Variants in DISP1 observed in about 807,000 individuals in gnomAD.
DISP1 encodes protein dispatched homolog 1.
DISP1 carries 30 observed loss-of-function variants against 37.3 expected under a neutral mutation model. The ratio of observed to expected loss-of-function variants is 0.80; its 90% CI spans 0.60 to 1.09. The LOEUF (loss-of-function observed/expected upper bound fraction) is 1.09, where lower values mean the gene tolerates loss of function less well. DISP1 is among the 50% of genes least tolerant of loss of function. The pLI is 0.00. For synonymous variants in DISP1, 634 were observed against 690.2 expected (o/e 0.92, Z 1.28); for missense variants, 1,598 against 1,879.5 (o/e 0.85, Z 2.77).
rs1452239200 is a variant in DISP1 at position 223,002,527 on chromosome 1, A to T, written c.1130A>T (p.His377Leu). The T allele has an allele frequency of 6.2e-7, 1 of 1,614,094 alleles. No individual in the cohort carries two copies. The highest frequency in any genetic ancestry group is 8.5e-7 in the Non-Finnish European group (1 of 1,180,040). ...CQKIVERDVS[H>L]TLKLLRTCAK... ...AAAATAGTTGAGCGAGACGTTTCTC[A>T]TACCTTGAAGCTGCTTCGGACTTGT... Residue 377 changes from histidine to leucine, a missense_variant, in exon 9 of 9, where the codon CAT becomes CTT. Coordinates refer to ENST00000675850, the MANE Select transcript of DISP1 (RefSeq NM_001377229.1).
chr1:223,004,890 A>G lies in DISP1; in HGVS notation c.3493A>G (p.Lys1165Glu), dbSNP rs760553860. ...SHALSTSPSD[K>E]GQSKTHTINA... is the part of the protein sequence containing the mutation. ...TGCCTTGTCTACAAGTCCCAGTGAC[A>G]AGGGACAAAGCAAAACACATACCAT... Residue 1165 changes from lysine to glutamate, a missense_variant, in exon 9 of 9, where the codon AAG becomes GAG. Transcript: ENST00000675850. The surrounding 1 kb of genome is among the most constrained non-coding windows in gnomAD (Gnocchi z 4.9). 14 of 1,609,302 alleles carry G rather than the reference A, an allele frequency of 8.7e-6. No individual in the cohort carries two copies. In the South Asian group the frequency reaches 1.3e-4, roughly 15 times the overall value.
At chr1:222,979,000 G>A (rs977049065) in intron 3 of DISP1, among the ~76,000 whole-genome samples, 1 of 151,854 alleles carries the variant, frequency 6.6e-6, no homozygotes, top group Non-Finnish European at 1.5e-5. Context: ...ACTTGGCGAT[G>A]CAGGCTCTTT....
At chr1:222,925,684 A>G (rs1320295756) in intron 1 of DISP1, among the ~76,000 whole-genome samples, 1 of 152,154 alleles carries the variant, frequency 6.6e-6, no homozygotes, top group Non-Finnish European at 1.5e-5. Flanking sequence ...TAGGAGCTCA[A>G]ACATACAGTG....
chr1:222,910,682 A>G (rs1169166434), intron 1 of DISP1, among the ~76,000 whole-genome samples: 2 of 152,240 alleles, frequency 1.3e-5, no homozygotes, highest in Non-Finnish European at 2.9e-5. Flanking sequence ...AATATGTCCA[A>G]TAGGACCTTG....
chr1:222,869,993 T>C (rs1257316434), intron 1 of DISP1, among the ~76,000 whole-genome samples: 2 of 151,158 alleles, frequency 1.3e-5, no homozygotes, highest in African/African-American at 4.8e-5. Flanking sequence ...CCTGTGTCCA[T>C]GTGTTCTCAT....
intron 2 of DISP1, among the ~76,000 whole-genome samples, chr1:222,938,551 TAGG>T (rs2125481304): frequency 6.6e-6 from 1 of 150,922 alleles, no homozygotes; most frequent in South Asian, 2.1e-4. Context: ...CTGGGCAACA[TAGG>T]AGAACCCACC....
intron 4 of DISP1, among the ~76,000 whole-genome samples, chr1:222,987,620 G>A (rs1449427117): frequency 1.3e-5 from 2 of 152,128 alleles, no homozygotes; most frequent in East Asian, 1.9e-4. Context: ...GGCTTTTAAC[G>A]TTGCTATACG....
intron 1 of DISP1, among the ~76,000 whole-genome samples, chr1:222,887,938 T>G (rs927123805): frequency 6.6e-6 from 1 of 152,226 alleles, no homozygotes; most frequent in African/African-American, 2.4e-5. Flanking sequence ...ACCATTATAA[T>G]TTCATTATTT....
intron 1 of DISP1, among the ~76,000 whole-genome samples, chr1:222,854,309 T>G (rs1485523902): frequency 1.3e-5 from 2 of 152,168 alleles, no homozygotes; most frequent in Non-Finnish European, 2.9e-5. Flanking sequence ...TCTGCATGGC[T>G]GGGGAAGCCT....
intron 1 of DISP1, among the ~76,000 whole-genome samples, chr1:222,861,399 G>A (rs1402695362): frequency 2.0e-5 from 3 of 152,108 alleles, no homozygotes; most frequent in Admixed American, 2.0e-4. Context: ...GGGGATTGTT[G>A]GTTTTGTTCA....
chr1:222,826,857 A>G (rs1210690566), intron 1 of DISP1, among the ~76,000 whole-genome samples: 2 of 152,222 alleles, frequency 1.3e-5, no homozygotes, highest in East Asian at 3.8e-4. Flanking sequence ...ATCTGACTTC[A>G]GAGTTTTAGC....
intron 3 of DISP1, among the ~76,000 whole-genome samples, chr1:222,982,802 G>A (rs1269762702): frequency 6.6e-6 from 1 of 152,130 alleles, no homozygotes. Context: ...ATGTTGTACA[G>A]TGTGAGTATG....
intron 4 of DISP1, among the ~76,000 whole-genome samples, chr1:222,990,417 G>A (rs1199550455): frequency 1.3e-5 from 2 of 152,188 alleles, no homozygotes; most frequent in Non-Finnish European, 2.9e-5. Context: ...CAATGATCTT[G>A]TAACTTTCTA....
chr1:222,946,999 A>AT (rs952578313), intron 3 of DISP1, among the ~76,000 whole-genome samples: 8 of 152,168 alleles, frequency 5.3e-5, no homozygotes, highest in African/African-American at 1.2e-4. Flanking sequence ...TGTGTTTGTG[A>AT]TTTTTTTTAT....
At chr1:222,906,560 C>G (rs35898924) in intron 1 of DISP1, among the ~76,000 whole-genome samples, 17,172 of 152,272 alleles carry the variant, frequency 0.11, 1,353 homozygotes, top group Non-Finnish European at 0.16. Context: ...CCGGCGAAAA[C>G]TCGCCAAAAC....
intron 1 of DISP1, among the ~76,000 whole-genome samples, chr1:222,871,770 G>A (rs78579522): frequency 5.3e-5 from 8 of 151,774 alleles, no homozygotes; most frequent in African/African-American, 1.7e-4. Flanking sequence ...CTAATTGAAT[G>A]CCGTTTATTT....
intron 2 of DISP1, among the ~76,000 whole-genome samples, chr1:222,940,106 A>G (rs1674273841): frequency 6.6e-6 from 1 of 151,646 alleles, no homozygotes; most frequent in Non-Finnish European, 1.5e-5. Context: ...AGCCTGGGTG[A>G]CAGAGCAAGA....
intron 1 of DISP1, among the ~76,000 whole-genome samples, chr1:222,904,018 A>G (rs1671761370): frequency 6.6e-6 from 1 of 152,222 alleles, no homozygotes; most frequent in African/African-American, 2.4e-5. Flanking sequence ...AACCTAGCAT[A>G]TGGGTTGTGT....
At position 223,005,648 on chromosome 1, in the gene DISP1, T is replaced by C. The variant is rs142872261; in HGVS notation, c.4251T>C (p.Cys1417=). 1,153 of 1,613,822 alleles carry C rather than the reference T, an allele frequency of 7.1e-4. 1 individual carries two copies. The highest frequency in any genetic ancestry group is 9.5e-4 in the Non-Finnish European group (1,116 of 1,179,986). Residue 1417 remains cysteine, a synonymous_variant, in exon 9 of 9, where the codon TGT becomes TGC. Transcript: ENST00000675850. ...CCGAGAATAAACAAAGGGAACTCTG[T>C]AAAAATAGAGACGTGAGCAATCTGG... ...CDPENKQREL[C]KNRDVSNLES...
Sources: allele counts gnomAD v4.1 joint callset (sites outside exome capture counted in the v4.1 genomes callset), GRCh38; gene constraint gnomAD v4.1.1; non-coding constraint Gnocchi (gnomAD v3.1); transcripts MANE v1.5; gene names NCBI Gene and HGNC (gene_info 2026-07-23, HGNC 2026-07-21).